CSGALNACT1: variants seen among roughly 807,000 people sequenced by gnomAD.
CSGALNACT1 encodes the protein chondroitin sulfate N-acetylgalactosaminyltransferase 1, also known as beta4GalNAcT-1.
A neutral mutation model predicts 51.0 loss-of-function variants in CSGALNACT1; 52 were observed. The observed-to-expected ratio is 1.02, with a 90% CI of 0.82 to 1.29. The LOEUF is 1.29. CSGALNACT1 is among the 50% of genes most tolerant of loss of function. The probability of loss-of-function intolerance (pLI) is 0.00; values close to 1 mark genes in which losing one functional copy is unlikely to be tolerated. For synonymous variants in CSGALNACT1, 341 were observed against 254.4 expected, an observed-to-expected ratio of 1.34 and a Z score of -3.24; for missense variants, 935 against 679.2, an observed-to-expected ratio of 1.38 and a Z score of -4.19.
At chr8:19,729,041 C>T (rs1418394686) in intron 1 of CSGALNACT1, among the ~76,000 whole-genome samples, 1 of 151,874 alleles carries the variant, frequency 6.6e-6, no homozygotes, top group African/African-American at 2.4e-5. Flanking sequence ...TCACAAATTT[C>T]CTATTATTTC....
At chr8:19,518,234 A>C (rs988972017) in intron 3 of CSGALNACT1, among the ~76,000 whole-genome samples, 2 of 152,184 alleles carry the variant, frequency 1.3e-5, no homozygotes, top group Non-Finnish European at 2.9e-5. Flanking sequence ...GCAGCCCCAA[A>C]TCATTTTCTA....
intron 3 of CSGALNACT1, among the ~76,000 whole-genome samples, chr8:19,527,805 G>C (rs2081999396): frequency 6.6e-6 from 1 of 152,126 alleles, no homozygotes; most frequent in Non-Finnish European, 1.5e-5. Flanking sequence ...TGTGGGCTTA[G>C]ACAAGTTAAG....
chr8:19,473,947 T>C (rs2068792057), intron 4 of CSGALNACT1, among the ~76,000 whole-genome samples: 1 of 152,230 alleles, frequency 6.6e-6, no homozygotes, highest in Admixed American at 6.5e-5. Context: ...CAGTAGAAAC[T>C]GGTAAGCTTG....
intron 1 of CSGALNACT1, among the ~76,000 whole-genome samples, chr8:19,668,717 G>C (rs2059568012): frequency 6.6e-6 from 1 of 152,108 alleles, no homozygotes; most frequent in South Asian, 2.1e-4. Context: ...ACCATGCCTG[G>C]CTGATTTTTG....
intron 1 of CSGALNACT1, among the ~76,000 whole-genome samples, chr8:19,682,218 G>A (rs943532744): frequency 2.0e-5 from 3 of 152,122 alleles, no homozygotes; most frequent in African/African-American, 7.2e-5. Flanking sequence ...CATGGAATGT[G>A]AGCCTCTGTT....
At chr8:19,628,430 C>A (rs889619535) in intron 1 of CSGALNACT1, among the ~76,000 whole-genome samples, 2 of 152,192 alleles carry the variant, frequency 1.3e-5, no homozygotes, top group Non-Finnish European at 2.9e-5. Context: ...AGTGACCTCC[C>A]ACCAGGTCCC....
chr8:19,581,603 CT>C (rs2154122502), intron 3 of CSGALNACT1, among the ~76,000 whole-genome samples: 1 of 152,068 alleles, frequency 6.6e-6, no homozygotes, highest in South Asian at 2.1e-4. Flanking sequence ...GAGACTCTGT[CT>C]AAAAACAAAA....
chr8:19,474,635 G>C (rs932421311), intron 4 of CSGALNACT1, among the ~76,000 whole-genome samples: 1 of 151,958 alleles, frequency 6.6e-6, no homozygotes, highest in Admixed American at 6.6e-5. Context: ...TGGGAGGCCC[G>C]AGGTGGGTGG....
chr8:19,581,556 G>A (rs573139507), intron 3 of CSGALNACT1, among the ~76,000 whole-genome samples: 5 of 152,236 alleles, frequency 3.3e-5, no homozygotes, highest in African/African-American at 9.6e-5. Context: ...GCAGTGAGCC[G>A]AGATCGTGCC....
At chr8:19,464,594 G>A (rs971471938) in intron 4 of CSGALNACT1, among the ~76,000 whole-genome samples, 7 of 152,124 alleles carry the variant, frequency 4.6e-5, no homozygotes, top group African/African-American at 7.2e-5. Context: ...CTGTGCTGCC[G>A]AGAAGGAGGG....
At chr8:19,538,458 C>A (rs2154066776) in intron 3 of CSGALNACT1, among the ~76,000 whole-genome samples, 1 of 152,142 alleles carries the variant, frequency 6.6e-6, no homozygotes, top group South Asian at 2.1e-4. Context: ...ATGATGCAGG[C>A]AAAAGATACT....
At chr8:19,458,341 G>A (rs531036322) in intron 5 of CSGALNACT1, 85 bp downstream of exon 4, 183 of 1,107,022 alleles carry the variant, frequency 1.7e-4, no homozygotes, top group Non-Finnish European at 2.5e-4. Flanking sequence ...ACTCGGCAGG[G>A]GAAATGAAGG....
intron 3 of CSGALNACT1, among the ~76,000 whole-genome samples, chr8:19,563,958 T>A (rs1207271368): frequency 2.0e-5 from 3 of 151,998 alleles, no homozygotes; most frequent in African/African-American, 7.3e-5. Context: ...CGGCTGTTTC[T>A]GAAGCTGGAC....
intron 6 of CSGALNACT1, among the ~76,000 whole-genome samples, chr8:19,425,428 C>T (rs1585690224): frequency 1.3e-5 from 2 of 152,306 alleles, no homozygotes; most frequent in South Asian, 2.1e-4. Flanking sequence ...GTCTCATTTT[C>T]GTGACTCCCT....
chr8:19,471,206 G>A (rs1563585701), intron 4 of CSGALNACT1, among the ~76,000 whole-genome samples: 1 of 152,098 alleles, frequency 6.6e-6, no homozygotes, highest in Non-Finnish European at 1.5e-5. Context: ...GCCTCCAATG[G>A]GCATGCGTAT....
intron 8 of CSGALNACT1, among the ~76,000 whole-genome samples, chr8:19,416,993 C>G (rs1280228842): frequency 6.6e-6 from 1 of 151,994 alleles, no homozygotes; most frequent in Non-Finnish European, 1.5e-5. Context: ...GTAGCTGGGA[C>G]TGTAGGTGTG....
chr8:19,614,833 C>T (rs1030998854), intron 1 of CSGALNACT1, among the ~76,000 whole-genome samples: 1 of 152,198 alleles, frequency 6.6e-6, no homozygotes, highest in South Asian at 2.1e-4. Context: ...CACGGTGCTG[C>T]CCTTGCTGGC....
At chr8:19,641,460 T>C (rs1564329116) in intron 1 of CSGALNACT1, among the ~76,000 whole-genome samples, 1 of 152,188 alleles carries the variant, frequency 6.6e-6, no homozygotes, top group Non-Finnish European at 1.5e-5. Context: ...GCTCTTCAAA[T>C]GTTTTTATCT....
chr8:19,685,324 C>T (rs902841495), upstream of CSGALNACT1, among the ~76,000 whole-genome samples: 1 of 152,140 alleles, frequency 6.6e-6, no homozygotes, highest in African/African-American at 2.4e-5. Context: ...GTCTGGGCAA[C>T]ATGGCAAAAC....
Sources: gnomAD v4.1 joint callset for allele counts (sites outside exome capture counted in the v4.1 genomes callset) on GRCh38, gnomAD v4.1.1 for gene constraint, MANE v1.5 for transcripts, NCBI Gene and HGNC (gene_info 2026-07-23, HGNC 2026-07-21) for gene names.